The following HS3ST2 variants were observed in gnomAD, a reference collection of about 807,000 sequenced individuals.
HS3ST2 encodes the protein heparan sulfate glucosamine 3-O-sulfotransferase 2.
HS3ST2 carries 17 observed loss-of-function variants against 26.3 expected under a neutral mutation model. That is an observed-to-expected ratio of 0.65 (90% CI 0.44 to 0.97). The LOEUF is 0.97. Among genes scored for constraint, HS3ST2 ranks in the 50% least tolerant of loss-of-function variants. The pLI, the probability that HS3ST2 is intolerant of heterozygous loss-of-function variation, is 0.00. For synonymous variants in HS3ST2, 237 were observed against 219.2 expected (o/e 1.08, Z -0.72); for missense variants, 402 against 501.2 (o/e 0.80, Z 1.89).
chr16:22,886,901 C>T (rs1567497095), intron 1 of HS3ST2, among the ~76,000 whole-genome samples: 2 of 152,030 alleles, frequency 1.3e-5, no homozygotes, highest in South Asian at 2.1e-4. Flanking sequence ...GCTGGGACTA[C>T]AGGTACACCT....
intron 1 of HS3ST2, among the ~76,000 whole-genome samples, chr16:22,820,458 GT>G (rs1900975536): frequency 6.6e-6 from 1 of 152,196 alleles, no homozygotes. Flanking sequence ...AGAAAAAGAG[GT>G]TTAATGGACT....
chr16:22,854,053 G>T (rs1901555588), intron 1 of HS3ST2, among the ~76,000 whole-genome samples: 1 of 152,196 alleles, frequency 6.6e-6, no homozygotes, highest in Non-Finnish European at 1.5e-5. Context: ...GCTGGAACAT[G>T]ATTTCAGTCA....
At chr16:22,880,369 A>T (rs1901971760) in intron 1 of HS3ST2, among the ~76,000 whole-genome samples, 1 of 152,164 alleles carries the variant, frequency 6.6e-6, no homozygotes, top group South Asian at 2.1e-4. Flanking sequence ...GTGAGCCATG[A>T]TCATGCCACT....
Position 22,914,966 on chromosome 16 carries a change from G to C in HS3ST2, c.508G>C (p.Glu170Gln), listed in dbSNP as rs768644712. 8 of 1,612,840 alleles carry C rather than the reference G, an allele frequency of 5.0e-6. No homozygotes were observed. Among genetic ancestry groups the C allele is most frequent in the Non-Finnish European group, 5.9e-6 (7 of 1,179,880 alleles). The change falls in exon 2 of 2, where the codon GAG becomes CAG. Residue 170 changes from glutamate (E) to glutamine (Q), a missense_variant. Glu to Gln is a conservative substitution (Grantham distance 29). Around this residue, in one of 2 missense-constraint regions of HS3ST2, gnomAD observed 237 missense variants for 346.6 expected, o/e 0.68. Coordinates refer to ENST00000261374, the MANE Select transcript of HS3ST2 (RefSeq NM_006043.2). ...CAGGAGCCTGATGCCCAGGACCCTCGAGAGCCAGATCACGCTGGAGAAGAC... is the reference window on the plus strand; with the variant it reads ...CAGGAGCCTGATGCCCAGGACCCTCCAGAGCCAGATCACGCTGGAGAAGAC... ...WYRSLMPRTL[E>Q]SQITLEKTPS...
intron 1 of HS3ST2, among the ~76,000 whole-genome samples, chr16:22,833,967 A>C (rs1448271090): frequency 6.6e-6 from 1 of 152,142 alleles, no homozygotes; most frequent in African/African-American, 2.4e-5. Context: ...AAAGCAAAGT[A>C]AAAAACATAT....
At chr16:22,861,813 C>T (rs1901678535) in intron 1 of HS3ST2, among the ~76,000 whole-genome samples, 1 of 152,138 alleles carries the variant, frequency 6.6e-6, no homozygotes, top group South Asian at 2.1e-4. Flanking sequence ...ACAGTGCCCT[C>T]TCTGGCTTTT....
At chr16:22,887,029 G>A (rs1360004873) in intron 1 of HS3ST2, among the ~76,000 whole-genome samples, 2 of 152,154 alleles carry the variant, frequency 1.3e-5, no homozygotes, top group African/African-American at 4.8e-5. Context: ...TGGGATTACA[G>A]ACACAAGCCA....
At chr16:22,883,796 G>A (rs1902024751) in intron 1 of HS3ST2, among the ~76,000 whole-genome samples, 1 of 152,170 alleles carries the variant, frequency 6.6e-6, no homozygotes, top group Admixed American at 6.5e-5. Context: ...GAATGAATCT[G>A]GAACCCAAGG....
rs1225804544 is a variant in HS3ST2 at position 22,883,167 on chromosome 16, A to G, written c.486-31777A>G. Among the ~76,000 whole-genome samples the G allele has an allele frequency of 9.2e-5, 14 of 152,338 alleles. No homozygotes were observed. The East Asian group carries it at 2.7e-3, about 29-fold the overall frequency. ...CCAGCAGATGCCAATTCCCAAGCAC[A>G]TGAGCCATTCTTGCCTCTGAGAACC... On this transcript the variant is annotated intron_variant, in intron 1 of 1. Coordinates refer to ENST00000261374, the MANE Select transcript of HS3ST2 (RefSeq NM_006043.2).
chr16:22,837,495 G>GTGTGTGTGTATATATA (rs1555512080), intron 1 of HS3ST2, among the ~76,000 whole-genome samples: 7 of 147,678 alleles, frequency 4.7e-5, no homozygotes, highest in African/African-American at 1.5e-4. Context: ...GTGTGTGTGT[G>GTGTGTGTGTATATATA]TGTGTATATA....
chr16:22,870,129 T>C (rs1901814392), intron 1 of HS3ST2, among the ~76,000 whole-genome samples: 1 of 152,080 alleles, frequency 6.6e-6, no homozygotes, highest in South Asian at 2.1e-4. Flanking sequence ...GTGGCCGATG[T>C]GGAATTTGAA....
At position 22,905,424 on chromosome 16, in the gene HS3ST2, GT is replaced by G. The variant is rs766253100; in HGVS notation, c.486-9507del. ...AATACTTGGGTGTTTTTTTGTGTTT[GT>G]TTTTTTTTTTTTCTCTTTTTTTGGA... On this transcript the variant is annotated intron_variant, in intron 1 of 1. Transcript: ENST00000261374. Among the ~76,000 whole-genome samples, 316 of 141,602 alleles carry G rather than the reference GT, an allele frequency of 2.2e-3. 1 individual carries two copies. The highest frequency in any genetic ancestry group is 4.7e-3 in the African/African-American group (182 of 38,740). 92.9% of individuals were successfully genotyped at this position (141,602 alleles called of 152,430 possible). A position where few individuals can be genotyped will look rare whatever the true frequency, so the allele number is the denominator to read the frequency against.
intron 1 of HS3ST2, among the ~76,000 whole-genome samples, chr16:22,846,016 G>A (rs1434989632): frequency 2.0e-5 from 3 of 152,156 alleles, no homozygotes; most frequent in African/African-American, 7.2e-5. Flanking sequence ...TGTGGCTTAC[G>A]CCTGTAATCC....
intron 1 of HS3ST2, among the ~76,000 whole-genome samples, chr16:22,859,336 T>TGCAAACTGC (rs1261008635): frequency 2.0e-5 from 3 of 152,232 alleles, no homozygotes; most frequent in Non-Finnish European, 4.4e-5. Flanking sequence ...TTGCAAACTG[T>TGCAAACTGC]GCAAACTGCC....
At chr16:22,889,511 T>C (rs1198679839) in intron 1 of HS3ST2, among the ~76,000 whole-genome samples, 1 of 152,192 alleles carries the variant, frequency 6.6e-6, no homozygotes, top group Admixed American at 6.5e-5. Context: ...AAATGCTCAC[T>C]AGAGCATTTC....
chr16:22,871,025 C>T (rs1901829157), intron 1 of HS3ST2, among the ~76,000 whole-genome samples: 1 of 152,094 alleles, frequency 6.6e-6, no homozygotes, highest in Non-Finnish European at 1.5e-5. Flanking sequence ...GTATAGTATT[C>T]AATAAGTCAC....
chr16:22,829,882 G>A (rs77955782), intron 1 of HS3ST2, among the ~76,000 whole-genome samples: 3,366 of 152,256 alleles, frequency 0.022, 58 homozygotes, highest in Middle Eastern at 0.061. Flanking sequence ...TGTAATAATC[G>A]CTAAGCTGAT....
chr16:22,817,820 A>G (rs1400382840), intron 1 of HS3ST2, among the ~76,000 whole-genome samples: 1 of 152,194 alleles, frequency 6.6e-6, no homozygotes, highest in Non-Finnish European at 1.5e-5. Flanking sequence ...CCCTGGTGAT[A>G]ACTTCCTGAT....
chr16:22,878,103 A>T (rs1349904609), intron 1 of HS3ST2, among the ~76,000 whole-genome samples: 1 of 152,204 alleles, frequency 6.6e-6, no homozygotes, highest in Non-Finnish European at 1.5e-5. Context: ...GTCTAAGATA[A>T]CAACTAGTAC....
Sources: gnomAD v4.1 joint callset for allele counts (sites outside exome capture counted in the v4.1 genomes callset) on GRCh38, gnomAD v4.1.1 for gene constraint, gnomAD v4.1.1 regional missense constraint, MANE v1.5 for transcripts, NCBI Gene and HGNC (gene_info 2026-07-23, HGNC 2026-07-21) for gene names.